ARHGAP15: variants seen among roughly 807,000 people sequenced by gnomAD.
The protein encoded by ARHGAP15 is Rho GTPase activating protein 15, also known as rho GTPase-activating protein 15.
A neutral mutation model predicts 63.7 loss-of-function variants in ARHGAP15; 51 were observed. The ratio of observed to expected loss-of-function variants is 0.80; its 90% CI spans 0.64 to 1.01. ARHGAP15 has a LOEUF of 1.01. Ranked by LOEUF, ARHGAP15 falls within the 50% of genes least tolerant of loss-of-function variation. ARHGAP15 has a pLI of 0.00. For missense variants in ARHGAP15, 560 were observed against 564.6 expected (o/e 0.99, Z 0.08); for synonymous variants, 191 against 193.8 (o/e 0.99, Z 0.12).
intron 12 of ARHGAP15, among the ~76,000 whole-genome samples, chr2:143,679,168 C>T (rs562941452): frequency 8.5e-5 from 13 of 152,114 alleles, no homozygotes; most frequent in Non-Finnish European, 1.9e-4. Flanking sequence ...CTGCACTCAA[C>T]CAGAATCTTC....
intron 13 of ARHGAP15, among the ~76,000 whole-genome samples, chr2:143,725,643 T>C (rs1685240801): frequency 6.6e-6 from 1 of 152,226 alleles, no homozygotes; most frequent in Non-Finnish European, 1.5e-5. Context: ...ATGGCAATGC[T>C]AATATTTGAA....
intron 11 of ARHGAP15, among the ~76,000 whole-genome samples, chr2:143,593,049 C>G (rs868098016): frequency 6.6e-6 from 1 of 152,146 alleles, no homozygotes; most frequent in African/African-American, 2.4e-5. Context: ...GAAAGCGTAT[C>G]AAACATTTTT....
At chr2:143,570,112 CA>C (rs909568982) in intron 11 of ARHGAP15, among the ~76,000 whole-genome samples, 2 of 152,166 alleles carry the variant, frequency 1.3e-5, no homozygotes, top group African/African-American at 4.8e-5. Context: ...GAAATTGCTA[CA>C]CCATATGGAA....
At chr2:143,647,800 A>T (rs1680960577) in intron 12 of ARHGAP15, among the ~76,000 whole-genome samples, 1 of 152,096 alleles carries the variant, frequency 6.6e-6, no homozygotes, top group Middle Eastern at 3.2e-3. Flanking sequence ...TCCAAGATTT[A>T]TATGGTATCA....
chr2:143,246,500 G>A (rs1345643468), intron 5 of ARHGAP15, among the ~76,000 whole-genome samples: 8 of 151,852 alleles, frequency 5.3e-5, no homozygotes, highest in Admixed American at 5.3e-4. Flanking sequence ...AAGTGACTAG[G>A]AACACATACA....
At chr2:143,341,090 C>T (rs1445463342) in intron 6 of ARHGAP15, among the ~76,000 whole-genome samples, 1 of 152,036 alleles carries the variant, frequency 6.6e-6, no homozygotes, top group Non-Finnish European at 1.5e-5. Context: ...CCCTTCCTCT[C>T]TTCTCTGTGA....
chr2:143,685,566 C>T (rs908280358), intron 12 of ARHGAP15, among the ~76,000 whole-genome samples: 2 of 152,148 alleles, frequency 1.3e-5, no homozygotes, highest in African/African-American at 4.8e-5. Flanking sequence ...TGCTCTAATG[C>T]CAGTTCATAG....
At chr2:143,490,720 T>C (rs1692549168) in intron 9 of ARHGAP15, among the ~76,000 whole-genome samples, 1 of 152,084 alleles carries the variant, frequency 6.6e-6, no homozygotes, top group African/African-American at 2.4e-5. Flanking sequence ...TCCCAGGTTC[T>C]AGTGATTCTC....
At chr2:143,515,861 T>G (rs530234145) in intron 9 of ARHGAP15, among the ~76,000 whole-genome samples, 1 of 152,362 alleles carries the variant, frequency 6.6e-6, no homozygotes, top group Admixed American at 6.5e-5. Flanking sequence ...CCTCCATCTC[T>G]TTTATAACTT....
chr2:143,462,105 A>G (rs1167952668), intron 8 of ARHGAP15, among the ~76,000 whole-genome samples: 2 of 152,152 alleles, frequency 1.3e-5, no homozygotes, highest in Admixed American at 6.6e-5. Flanking sequence ...GGTTACAGTG[A>G]GTCAAGGTCA....
At chr2:143,678,757 G>GAGAT (rs2105365938) in intron 12 of ARHGAP15, among the ~76,000 whole-genome samples, 1 of 152,312 alleles carries the variant, frequency 6.6e-6, no homozygotes, top group Non-Finnish European at 1.5e-5. Flanking sequence ...GGATTGGAAA[G>GAGAT]AGATTGTCAA....
At chr2:143,455,288 T>TAACTAACTATA (rs1690594000) in intron 8 of ARHGAP15, among the ~76,000 whole-genome samples, 1 of 152,140 alleles carries the variant, frequency 6.6e-6, no homozygotes, top group South Asian at 2.1e-4. Flanking sequence ...ACATTTAGCA[T>TAACTAACTATA]GCTGATGCAT....
intron 6 of ARHGAP15, among the ~76,000 whole-genome samples, chr2:143,429,947 A>T (rs12991555): frequency 0.29 from 44,789 of 152,006 alleles, 7,211 homozygotes; most frequent in Non-Finnish European, 0.36. Context: ...AACACCCTCC[A>T]TGCATATTAG....
At chr2:143,719,984 G>T (rs1252468227) in intron 13 of ARHGAP15, among the ~76,000 whole-genome samples, 1 of 152,128 alleles carries the variant, frequency 6.6e-6, no homozygotes, top group Non-Finnish European at 1.5e-5. Flanking sequence ...GTTAGATAAG[G>T]TTAGAAGCAG....
chr2:143,184,323 G>A (rs1026766180), intron 2 of ARHGAP15, among the ~76,000 whole-genome samples: 1 of 152,154 alleles, frequency 6.6e-6, no homozygotes, highest in African/African-American at 2.4e-5. Flanking sequence ...AACTGATTTA[G>A]TGGTATTGCC....
chr2:143,638,287 G>A (rs1448497790), intron 12 of ARHGAP15, among the ~76,000 whole-genome samples: 1 of 146,646 alleles, frequency 6.8e-6, no homozygotes, highest in African/African-American at 2.5e-5. Context: ...TTAAGAAAAT[G>A]TGGCACATAT....
chr2:143,474,456 T>G (rs1691721996), intron 8 of ARHGAP15, among the ~76,000 whole-genome samples: 1 of 152,172 alleles, frequency 6.6e-6, no homozygotes, highest in Non-Finnish European at 1.5e-5. Context: ...TGCATTTAGA[T>G]TTAAATCTAA....
chr2:143,633,586 T>A lies in ARHGAP15; in HGVS notation c.1138+9319T>A, dbSNP rs1053845024. 3.9e-5 allele frequency among the ~76,000 whole-genome samples: 6 copies of A among 152,260 alleles called. No individual in the cohort carries two copies. The South Asian group carries it at 1.2e-3, about 32-fold the overall frequency. On this transcript the variant is annotated intron_variant, in intron 12 of 13. Coordinates refer to ENST00000295095, the MANE Select transcript of ARHGAP15 (RefSeq NM_018460.4). ...ACGTAAGGTCACTTTTTCAAAGCAATAAACTCTTCAAGCTGAGCAACCAGC... is the reference window on the plus strand; with the variant it reads ...ACGTAAGGTCACTTTTTCAAAGCAAAAAACTCTTCAAGCTGAGCAACCAGC...
chr2:143,584,130 T>A (rs1287428720), intron 11 of ARHGAP15, among the ~76,000 whole-genome samples: 1 of 152,106 alleles, frequency 6.6e-6, no homozygotes, highest in Non-Finnish European at 1.5e-5. Flanking sequence ...AAAGCAAGTG[T>A]CTAAAATTAC....
Sources: allele counts gnomAD v4.1 joint callset (sites outside exome capture counted in the v4.1 genomes callset), GRCh38; gene constraint gnomAD v4.1.1; transcripts MANE v1.5; gene names NCBI Gene and HGNC (gene_info 2026-07-23, HGNC 2026-07-21).